PRKCA: variants seen among roughly 807,000 people sequenced by gnomAD.
The protein encoded by PRKCA is protein kinase C alpha.
A neutral mutation model predicts 87.0 loss-of-function variants in PRKCA; 27 were observed. That is an observed-to-expected ratio of 0.31 (90% CI 0.23 to 0.43). PRKCA has a LOEUF of 0.43. PRKCA is among the 20% of genes least tolerant of loss of function. The pLI is 1.00. For missense variants in PRKCA, 518 were observed against 852.3 expected (o/e 0.61, Z 4.88); for synonymous variants, 329 against 311.1 (o/e 1.06, Z -0.61).
chr17:66,603,821 T>C (rs1970126389), intron 3 of PRKCA, among the ~76,000 whole-genome samples: 1 of 152,204 alleles, frequency 6.6e-6, no homozygotes, highest in East Asian at 1.9e-4. Context: ...TCTCTATGAA[T>C]CTGACTGCTC....
At chr17:66,749,919 G>C (rs575166532) in intron 13 of PRKCA, among the ~76,000 whole-genome samples, 1 of 152,156 alleles carries the variant, frequency 6.6e-6, no homozygotes, top group South Asian at 2.1e-4. Flanking sequence ...CCAGCAGGTT[G>C]GGGGACCTGA....
chr17:66,735,283 C>T (rs928362648), intron 9 of PRKCA, among the ~76,000 whole-genome samples: 4 of 152,142 alleles, frequency 2.6e-5, no homozygotes, highest in Non-Finnish European at 5.9e-5. Flanking sequence ...ATCTTGGCAG[C>T]ATTGAAGTTT....
In PRKCA at chr17:66,661,013, G is replaced by A. The variant is rs563350762; in HGVS notation, c.529+15502G>A. ...TAGAGTATCGTGAAACGCAAGGGTG[G>A]GAATGCCTTGGAGCCATAAGAATAC... On this transcript the variant is annotated intron_variant, in intron 5 of 16. Transcript: ENST00000413366. 1.5e-3 allele frequency among the ~76,000 whole-genome samples: 235 copies of A among 152,238 alleles called. 1 individual carries two copies. Among genetic ancestry groups the A allele is most frequent in the African/African-American group, 5.2e-3 (218 of 41,546 alleles).
chr17:66,803,071 C>G lies in PRKCA; in HGVS notation c.1855-802C>G, dbSNP rs145512280. Among the ~76,000 whole-genome samples the G allele has an allele frequency of 6.9e-3, 1,044 of 152,320 alleles. 31 individuals carry two copies. The East Asian group carries it at 0.076, about 11-fold the overall frequency. ...GGGGTCAGGCTACCAAGCCGTGCTG[C>G]CTAAGCGGCTGTGTGTCTCAGCGAC... On this transcript the variant is annotated intron_variant, in intron 16 of 16. Coordinates refer to ENST00000413366, the MANE Select transcript of PRKCA (RefSeq NM_002737.3). This position sits in a 1 kb window ranked among gnomAD's most constrained non-coding sequence, Gnocchi z 4.4.
At chr17:66,690,914 C>T (rs1972766120) in intron 8 of PRKCA, among the ~76,000 whole-genome samples, 2 of 151,176 alleles carry the variant, frequency 1.3e-5, no homozygotes, top group South Asian at 4.2e-4. Flanking sequence ...GAGGCCAAGG[C>T]AGGCAGGTTG....
At chr17:66,340,790 A>G (rs1906997823) in intron 2 of PRKCA, among the ~76,000 whole-genome samples, 1 of 152,172 alleles carries the variant, frequency 6.6e-6, no homozygotes, top group African/African-American at 2.4e-5. Context: ...GCAACTGTGA[A>G]TATCATTAGC....
intron 14 of PRKCA, among the ~76,000 whole-genome samples, chr17:66,783,245 C>G (rs1397569110): frequency 6.6e-6 from 1 of 152,178 alleles, no homozygotes; most frequent in African/African-American, 2.4e-5. Context: ...GAGAATCCTT[C>G]CAGCCCTAGA....
chr17:66,308,050 T>C (rs1904913353), intron 2 of PRKCA, among the ~76,000 whole-genome samples: 1 of 152,210 alleles, frequency 6.6e-6, no homozygotes, highest in African/African-American at 2.4e-5. Flanking sequence ...GCTGCATGTG[T>C]GGATGTATCC....
At chr17:66,376,817 G>T (rs1909446276) in intron 2 of PRKCA, among the ~76,000 whole-genome samples, 1 of 152,008 alleles carries the variant, frequency 6.6e-6, no homozygotes, top group Non-Finnish European at 1.5e-5. Context: ...CTTTCTTCAG[G>T]TTGTGGCTTC....
At chr17:66,760,211 C>A (rs1439469762) in intron 13 of PRKCA, among the ~76,000 whole-genome samples, 1 of 152,216 alleles carries the variant, frequency 6.6e-6, no homozygotes, top group Non-Finnish European at 1.5e-5. Flanking sequence ...GCAGTGTCTT[C>A]TCTCAGACCA....
At chr17:66,628,495 C>CT (rs1970920156) in intron 3 of PRKCA, among the ~76,000 whole-genome samples, 2 of 152,102 alleles carry the variant, frequency 1.3e-5, no homozygotes, top group East Asian at 1.9e-4. Flanking sequence ...GCCTCTCTCT[C>CT]TTTTTTTCTC....
chr17:66,705,702 A>G (rs1973175557), intron 8 of PRKCA, among the ~76,000 whole-genome samples: 1 of 152,172 alleles, frequency 6.6e-6, no homozygotes, highest in Admixed American at 6.5e-5. Flanking sequence ...ATGAGCAGGT[A>G]CCAAGGGTGC....
At chr17:66,749,994 C>T (rs774532602) in intron 13 of PRKCA, among the ~76,000 whole-genome samples, 1 of 152,066 alleles carries the variant, frequency 6.6e-6, no homozygotes, top group Non-Finnish European at 1.5e-5. Flanking sequence ...AGAGACTTCT[C>T]CTGGCCTCTG....
intron 10 of PRKCA, among the ~76,000 whole-genome samples, chr17:66,737,113 G>A (rs1202947271): frequency 2.6e-5 from 4 of 152,006 alleles, no homozygotes; most frequent in African/African-American, 9.7e-5. Context: ...AGCACTGTGG[G>A]AGGCCAAGGC....
intron 3 of PRKCA, among the ~76,000 whole-genome samples, chr17:66,618,442 A>G (rs534922797): frequency 6.6e-5 from 10 of 151,920 alleles, no homozygotes; most frequent in African/African-American, 1.9e-4. Context: ...TACTCTGTCT[A>G]TAGTCTCTAC....
intron 14 of PRKCA, among the ~76,000 whole-genome samples, chr17:66,785,721 TTAAA>T (rs1174265033): frequency 6.6e-6 from 1 of 152,260 alleles, no homozygotes. Context: ...TTGCTCTGTC[TTAAA>T]TAATAATACT....
intron 8 of PRKCA, among the ~76,000 whole-genome samples, chr17:66,697,715 G>A (rs1050337167): frequency 4.6e-5 from 7 of 152,178 alleles, no homozygotes; most frequent in Non-Finnish European, 8.8e-5. Flanking sequence ...GCCCTCTGAA[G>A]TGTTCTACAG....
intron 5 of PRKCA, among the ~76,000 whole-genome samples, chr17:66,667,413 A>C (rs1029571675): frequency 4.6e-5 from 7 of 152,206 alleles, no homozygotes; most frequent in African/African-American, 1.7e-4. Flanking sequence ...GAAACTTACA[A>C]TCATGGTGGA....
intron 5 of PRKCA, among the ~76,000 whole-genome samples, chr17:66,679,273 C>T (rs55937536): frequency 0.16 from 24,197 of 150,654 alleles, 2,301 homozygotes; most frequent in Non-Finnish European, 0.21. Flanking sequence ...CTCTGCCGCC[C>T]GGGTTCACGC....
Sources: gnomAD v4.1 joint callset for allele counts (sites outside exome capture counted in the v4.1 genomes callset) on GRCh38, gnomAD v4.1.1 for gene constraint, Gnocchi (gnomAD v3.1) non-coding constraint, MANE v1.5 for transcripts, NCBI Gene and HGNC (gene_info 2026-07-23, HGNC 2026-07-21) for gene names.